The following SORCS1 variants were observed in gnomAD, a reference collection of about 807,000 sequenced individuals.
SORCS1 encodes the protein sortilin related VPS10 domain containing receptor 1.
In SORCS1, 60 loss-of-function variants were observed where a neutral mutation model predicts 146.1. That is an observed-to-expected ratio of 0.41 (90% confidence interval 0.33 to 0.51). The LOEUF (loss-of-function observed/expected upper bound fraction) is 0.51, where lower values mean the gene tolerates loss of function less well. Among genes scored for constraint, SORCS1 ranks in the 20% least tolerant of loss-of-function variants. SORCS1 has a pLI of 0.21. For missense variants in SORCS1, 1,352 were observed against 1,487.6 expected (o/e 0.91, Z 1.50); for synonymous variants, 637 against 584.0 (o/e 1.09, Z -1.31).
At chr10:107,150,670 G>A (rs372717069) in intron 1 of SORCS1, among the ~76,000 whole-genome samples, 14 of 152,262 alleles carry the variant, frequency 9.2e-5, no homozygotes, top group South Asian at 4.1e-4. Context: ...TAATCCCCAC[G>A]TGCCATGGGA....
At chr10:107,166,373 G>A (rs1970051771), upstream of SORCS1, among the ~76,000 whole-genome samples, 1 of 152,118 alleles carries the variant, frequency 6.6e-6, no homozygotes, top group Admixed American at 6.6e-5. Context: ...GTAAAATATC[G>A]GCCTAAGTTC....
At chr10:106,755,399 C>T (rs530306742) in intron 5 of SORCS1, among the ~76,000 whole-genome samples, 15 of 152,218 alleles carry the variant, frequency 9.9e-5, no homozygotes, top group African/African-American at 2.6e-4. Flanking sequence ...GGATAATAAC[C>T]GCTACCATAT....
At chr10:106,862,722 G>T (rs1950063589) in intron 2 of SORCS1, among the ~76,000 whole-genome samples, 2 of 139,320 alleles carry the variant, frequency 1.4e-5, no homozygotes, top group East Asian at 4.5e-4. Context: ...GAGACAGGCG[G>T]ATCATGAGGT....
intron 1 of SORCS1, among the ~76,000 whole-genome samples, chr10:107,016,612 G>A (rs895569974): frequency 1.4e-4 from 21 of 152,194 alleles, no homozygotes; most frequent in Middle Eastern, 3.2e-3. Flanking sequence ...TGTGACCTTG[G>A]AGTAAACAAG....
At chr10:106,808,355 T>TG (rs1356703797) in intron 3 of SORCS1, among the ~76,000 whole-genome samples, 1 of 152,170 alleles carries the variant, frequency 6.6e-6, no homozygotes, top group African/African-American at 2.4e-5. Context: ...GCTCAATAAA[T>TG]GCACATCCCT....
intron 2 of SORCS1, among the ~76,000 whole-genome samples, chr10:106,867,629 A>G (rs1257695171): frequency 6.6e-6 from 1 of 152,232 alleles, no homozygotes; most frequent in Non-Finnish European, 1.5e-5. Context: ...CACAGATTTC[A>G]TATCTGGCCC....
chr10:106,676,232 T>C (rs1002971437), intron 13 of SORCS1, among the ~76,000 whole-genome samples: 1 of 152,100 alleles, frequency 6.6e-6, no homozygotes, highest in African/African-American at 2.4e-5. Context: ...GAGAACCACT[T>C]TCAAAAACAC....
At chr10:106,762,745 G>A (rs1859233779) in intron 4 of SORCS1, among the ~76,000 whole-genome samples, 1 of 151,928 alleles carries the variant, frequency 6.6e-6, no homozygotes, top group Admixed American at 6.6e-5. Flanking sequence ...GGTTTCCTGG[G>A]TACATTTCAT....
At chr10:106,844,084 T>A (rs1312304162) in intron 2 of SORCS1, among the ~76,000 whole-genome samples, 1 of 152,236 alleles carries the variant, frequency 6.6e-6, no homozygotes, top group African/African-American at 2.4e-5. Flanking sequence ...AACATCCTAA[T>A]AGTTGTAAGG....
intron 22 of SORCS1, among the ~76,000 whole-genome samples, chr10:106,610,438 TTAAAA>T (rs944861354): frequency 6.6e-6 from 1 of 152,128 alleles, no homozygotes; most frequent in African/African-American, 2.4e-5. Context: ...ATTAAATGTG[TTAAAA>T]TAATGCAAAG....
intron 2 of SORCS1, among the ~76,000 whole-genome samples, chr10:106,887,426 T>C (rs1951042074): frequency 6.6e-6 from 1 of 152,042 alleles, no homozygotes. Flanking sequence ...AAATGAAAAA[T>C]GTTATTACTT....
chr10:106,707,672 G>A lies in SORCS1; in HGVS notation c.1144-1038C>T, dbSNP rs569908402. Among the ~76,000 whole-genome samples, 3 of 152,208 alleles carry A rather than the reference G, an allele frequency of 2.0e-5. No homozygotes were observed. The South Asian group carries it at 6.2e-4, about 32-fold the overall frequency. On this transcript the variant is annotated intron_variant, in intron 7 of 25. Transcript: ENST00000263054. Reference sequence around the variant, plus strand: ...CAGTTCCCCTCCAATCTTGTCCAAAGCATGCAGCCCAAAGAATCCTGGTGG... The same window carrying A: ...CAGTTCCCCTCCAATCTTGTCCAAAACATGCAGCCCAAAGAATCCTGGTGG...
chr10:106,883,312 T>C (rs1046920253), intron 2 of SORCS1, among the ~76,000 whole-genome samples: 3 of 152,246 alleles, frequency 2.0e-5, no homozygotes, highest in Admixed American at 1.3e-4. Context: ...CATAGATTTT[T>C]TCTTTTACCC....
rs555352960 is a variant in SORCS1, at chr10:106,623,060, A to G, written c.2663-2499T>C. On this transcript the variant is annotated intron_variant, in intron 19 of 25. Coordinates refer to ENST00000263054, the MANE Select transcript of SORCS1 (RefSeq NM_052918.5). ...TCCACCCCAGGGCCTTTGCTTCTAC[A>G]CACCTTTCTTATGGCACCTGTCAGT... Among the ~76,000 whole-genome samples, 65 of 152,194 alleles carry G rather than the reference A, an allele frequency of 4.3e-4. No individual in the cohort carries two copies. The South Asian group carries it at 4.6e-3, about 11-fold the overall frequency.
intron 19 of SORCS1, among the ~76,000 whole-genome samples, chr10:106,625,264 C>A (rs558667500): frequency 2.0e-5 from 3 of 150,276 alleles, no homozygotes; most frequent in Admixed American, 6.6e-5. Flanking sequence ...GCTGCTCTGG[C>A]CTGCCTGCAG....
At chr10:107,111,141 A>T (rs1965670456) in intron 1 of SORCS1, among the ~76,000 whole-genome samples, 1 of 152,204 alleles carries the variant, frequency 6.6e-6, no homozygotes, top group African/African-American at 2.4e-5. Flanking sequence ...CATAGCCATC[A>T]ATGCAAGGCT....
chr10:106,803,976 G>A (rs1403991256), intron 3 of SORCS1, among the ~76,000 whole-genome samples: 1 of 152,080 alleles, frequency 6.6e-6, no homozygotes, highest in South Asian at 2.1e-4. Flanking sequence ...TATTTTACAG[G>A]TTAAATTCCA....
chr10:107,060,456 C>T lies in SORCS1; in HGVS notation c.558+103513G>A, dbSNP rs766317968. Among the ~76,000 whole-genome samples, 33 of 151,758 alleles carry T rather than the reference C, an allele frequency of 2.2e-4. No individual in the cohort carries two copies. In the Middle Eastern group the frequency reaches 0.01, roughly 47 times the overall value. On this transcript the variant is annotated intron_variant, in intron 1 of 25. Coordinates refer to ENST00000263054, the MANE Select transcript of SORCS1 (RefSeq NM_052918.5). The surrounding 1 kb of genome is among the most constrained non-coding windows in gnomAD (Gnocchi z 4.1). ...GTCATGTACTTAGTGAAGCCTCAGA[C>T]GTAGCAAACCTAAAAATGGAAGCTG...
chr10:107,058,753 C>A (rs1228479067), intron 1 of SORCS1, among the ~76,000 whole-genome samples: 1 of 152,154 alleles, frequency 6.6e-6, no homozygotes, highest in Non-Finnish European at 1.5e-5. Context: ...TAAATGTTAG[C>A]AATCACAAAT....
Sources: gnomAD v4.1 joint callset for allele counts (sites outside exome capture counted in the v4.1 genomes callset) on GRCh38, gnomAD v4.1.1 for gene constraint, Gnocchi (gnomAD v3.1) non-coding constraint, MANE v1.5 for transcripts, NCBI Gene and HGNC (gene_info 2026-07-23, HGNC 2026-07-21) for gene names.